The following ATRX variants were observed in gnomAD, a reference collection of about 807,000 sequenced individuals.
ATRX encodes the protein ATRX chromatin remodeler, also known as chromatin remodeler ATRX.
A neutral mutation model predicts 172.6 loss-of-function variants in ATRX; 12 were observed. That is an observed-to-expected ratio of 0.07 (90% CI 0.04 to 0.11). The LOEUF (loss-of-function observed/expected upper bound fraction) is 0.11, where lower values mean the gene tolerates loss of function less well. Ranked by LOEUF, ATRX falls within the 10% of genes least tolerant of loss-of-function variation. The pLI, the probability that ATRX is intolerant of heterozygous loss-of-function variation, is 1.00. For missense variants in ATRX, 1,368 were observed against 1,767.4 expected, an observed-to-expected ratio of 0.77 and a Z score of 4.05; for synonymous variants, 674 against 594.7, an observed-to-expected ratio of 1.13 and a Z score of -1.94.
intron 1 of ATRX, among the ~76,000 whole-genome samples, chrX:77,777,403 C>G (rs2076397061): frequency 9.4e-6 from 1 of 106,289 alleles, no homozygotes; most frequent in African/African-American, 3.4e-5. Flanking sequence ...CAAAACAAAA[C>G]AAAGATCAAA....
At chrX:77,534,292 A>G (rs1423722493) in intron 30 of ATRX, among the ~76,000 whole-genome samples, 1 of 112,164 alleles carries the variant, frequency 8.9e-6, no homozygotes, top group Non-Finnish European at 1.9e-5. Flanking sequence ...CCCCTTTTAA[A>G]TTAATAGCAG....
intron 19 of ATRX, among the ~76,000 whole-genome samples, chrX:77,632,701 T>C (rs1557106174): frequency 4.5e-5 from 5 of 112,220 alleles, no homozygotes; most frequent in Non-Finnish European, 9.4e-5. Flanking sequence ...ACGTGTTGCT[T>C]TTCCAAGTGG....
chrX:77,654,317 A>T, intron 13 of ATRX, 117 bp from the exon 14 acceptor site: 1 of 556,472 alleles, frequency 1.8e-6, no homozygotes, highest in Non-Finnish European at 3.0e-6. Flanking sequence ...AAACAGAAAA[A>T]AAATCAATAG....
intron 1 of ATRX, among the ~76,000 whole-genome samples, chrX:77,771,001 T>G (rs2076134090): frequency 1.8e-5 from 2 of 112,242 alleles, no homozygotes; most frequent in African/African-American, 6.5e-5. Flanking sequence ...AAAAAGCTGA[T>G]CATATAACTC....
chrX:77,618,899 T>C lies in ATRX; in HGVS notation c.5355A>G (p.Gln1785=). The change falls in exon 21 of 35, where the codon CAA becomes CAG. Residue 1785 remains glutamine, a synonymous_variant. Coordinates refer to ENST00000373344, the MANE Select transcript of ATRX (RefSeq NM_000489.6). ...EFRNRFINPI[Q]NGQCADSTMV... is the part of the protein sequence containing the mutation. ...TGGTAGAATCTGCACACTGACCATT[T>C]TGAATTGGATTTATAAATCTATTCC... is the stretch of plus-strand genomic sequence containing the variant. The C allele has an allele frequency of 8.3e-7, 1 of 1,199,902 alleles. No individual in the cohort carries two copies. The highest frequency in any genetic ancestry group is 1.8e-5 in the South Asian group (1 of 56,603).
rs141441856 is a variant in ATRX, at chrX:77,533,847, C to T, written c.6700-10446G>A. On this transcript the variant is annotated intron_variant, in intron 30 of 34. Coordinates refer to ENST00000373344, the MANE Select transcript of ATRX (RefSeq NM_000489.6). ...ATACTCTTATCTCTTAATACCTTTCCGTGGATATCATTTTACATCAAATCC... is the reference window on the plus strand; with the variant it reads ...ATACTCTTATCTCTTAATACCTTTCTGTGGATATCATTTTACATCAAATCC... 3.9e-4 allele frequency among the ~76,000 whole-genome samples: 44 copies of T among 111,949 alleles called. No individual in the cohort carries two copies. The East Asian group carries it at 9.8e-3, about 25-fold the overall frequency.
chrX:77,773,009 G>A (rs993652912), intron 1 of ATRX, among the ~76,000 whole-genome samples: 5 of 98,381 alleles, frequency 5.1e-5, no homozygotes, highest in Non-Finnish European at 1.0e-4. Flanking sequence ...CACCACACCT[G>A]GCTAATTTTT....
chrX:77,724,067 T>C (rs1302711125), intron 1 of ATRX, among the ~76,000 whole-genome samples: 2 of 110,765 alleles, frequency 1.8e-5, no homozygotes, highest in African/African-American at 6.6e-5. Flanking sequence ...TCACTTGAGG[T>C]CAGGAGTTCC....
In ATRX at chrX:77,507,614, T is replaced by C. The variant is rs1235102386; in HGVS notation, c.*737A>G. 3 of 173,926 alleles carry C rather than the reference T, an allele frequency of 1.7e-5. No homozygotes were observed. Among genetic ancestry groups the C allele is most frequent in the African/African-American group, 8.9e-5 (3 of 33,886 alleles). 14.3% of individuals were successfully genotyped at this position (173,926 alleles called of 1,213,427 possible). ...ACCCTGAAATTTTACCAGTAATTAT[T>C]TCAGCACATATAACTGAAAATAAAA... On this transcript the variant is annotated 3_prime_UTR_variant, in exon 35 of 35. Coordinates refer to ENST00000373344, the MANE Select transcript of ATRX (RefSeq NM_000489.6).
chrX:77,590,543 C>T (rs1346500773), intron 26 of ATRX, among the ~76,000 whole-genome samples: 1 of 100,977 alleles, frequency 9.9e-6, no homozygotes, highest in Non-Finnish European at 2.0e-5. Context: ...ACCCAGGAGG[C>T]GGAGCTTGCA....
chrX:77,531,488 A>G (rs1348313018), intron 30 of ATRX, among the ~76,000 whole-genome samples: 4 of 112,496 alleles, frequency 3.6e-5, no homozygotes, highest in African/African-American at 1.3e-4. Context: ...ATGGAAATAA[A>G]TAAATGTGAT....
chrX:77,570,042 G>A (rs1265137938), intron 28 of ATRX, among the ~76,000 whole-genome samples: 4 of 112,066 alleles, frequency 3.6e-5, no homozygotes, highest in African/African-American at 1.3e-4. Context: ...TCAAGACTAT[G>A]TAGTAATGAT....
intron 19 of ATRX, among the ~76,000 whole-genome samples, chrX:77,628,631 G>C (rs1424448193): frequency 1.8e-5 from 2 of 111,773 alleles, no homozygotes; most frequent in African/African-American, 6.5e-5. Context: ...TCTTTTTTAA[G>C]AAACTGGGTC....
At chrX:77,539,915 G>A (rs1046333941) in intron 30 of ATRX, among the ~76,000 whole-genome samples, 5 of 111,432 alleles carry the variant, frequency 4.5e-5, no homozygotes, top group African/African-American at 1.6e-4. Flanking sequence ...CAACTAATGG[G>A]CAAAATAACC....
chrX:77,579,720 C>T (rs1175324229), intron 27 of ATRX, among the ~76,000 whole-genome samples: 1 of 111,730 alleles, frequency 9.0e-6, no homozygotes, highest in African/African-American at 3.3e-5. Flanking sequence ...ACTGCAAAGA[C>T]TACAATAAAT....
intron 30 of ATRX, among the ~76,000 whole-genome samples, chrX:77,531,038 AAC>A (rs1569517777): frequency 8.9e-6 from 1 of 112,235 alleles, no homozygotes; most frequent in Non-Finnish European, 1.9e-5. Flanking sequence ...ATCCAGAAGA[AAC>A]AGACAATTTC....
chrX:77,609,441 CA>C (rs1557092798), intron 22 of ATRX, among the ~76,000 whole-genome samples: 1 of 111,889 alleles, frequency 8.9e-6, no homozygotes, highest in Non-Finnish European at 1.9e-5. Context: ...CAACATGAAA[CA>C]GCACGAAAGA....
chrX:77,694,995 C>T (rs1487221964), intron 5 of ATRX, among the ~76,000 whole-genome samples: 2 of 103,795 alleles, frequency 1.9e-5, no homozygotes, highest in Non-Finnish European at 3.9e-5. Context: ...GCAATCATTG[C>T]ATGTAGACAC....
chrX:77,611,177 T>C lies in ATRX; in HGVS notation c.5566+5436A>G, dbSNP rs782718313. The stretch of plus-strand genomic sequence containing the variant: ...ATATATATTTCACAATGAACACACA[T>C]TGCTATTTCTGTAGCCAGAAAACTA... On this transcript the variant is annotated intron_variant, in intron 22 of 34. Coordinates refer to ENST00000373344, the MANE Select transcript of ATRX (RefSeq NM_000489.6). Among the ~76,000 whole-genome samples the C allele has an allele frequency of 3.6e-5, 4 of 111,447 alleles. No individual in the cohort carries two copies. In the South Asian group the frequency reaches 1.1e-3, roughly 31 times the overall value.
Sources: allele counts gnomAD v4.1 joint callset (sites outside exome capture counted in the v4.1 genomes callset), GRCh38; gene constraint gnomAD v4.1.1; transcripts MANE v1.5; gene names NCBI Gene and HGNC (gene_info 2026-07-23, HGNC 2026-07-21).